The following NID1 variants were observed in gnomAD, a reference collection of about 807,000 sequenced individuals.
The protein encoded by NID1 is nidogen 1.
Under a neutral mutation model 130.6 loss-of-function variants are expected in NID1, and 76 were observed. The observed-to-expected ratio is 0.58, with a 90% CI of 0.48 to 0.70. The LOEUF (loss-of-function observed/expected upper bound fraction) is 0.70. Ranked by LOEUF, NID1 falls within the 30% of genes least tolerant of loss-of-function variation. The pLI is 0.00. For synonymous variants in NID1, 665 were observed against 675.1 expected (o/e 0.98, Z 0.23); for missense variants, 1,517 against 1,664.8 (o/e 0.91, Z 1.54).
At chr1:236,004,480 A>T (rs1337359116) in intron 12 of NID1, among the ~76,000 whole-genome samples, 1 of 152,178 alleles carries the variant, frequency 6.6e-6, no homozygotes, top group Admixed American at 6.5e-5. Context: ...GTTAAAGACT[A>T]AGCCAGGCGC....
chr1:236,014,119 TG>T (rs1195967435), intron 10 of NID1, among the ~76,000 whole-genome samples: 5 of 152,188 alleles, frequency 3.3e-5, no homozygotes, highest in African/African-American at 1.2e-4. Context: ...GTTGGAAGAC[TG>T]TGAGCCTTTG....
At chr1:236,064,635 G>A (rs2102856914) in intron 1 of NID1, 2 of 586,998 alleles carry the variant, frequency 3.4e-6, no homozygotes, top group South Asian at 1.7e-5. Flanking sequence ...GGCGCGCGGA[G>A]CCACCCAGAC....
rs566613891 is a variant in NID1, at chr1:236,000,312, C to T, written c.2528-6440G>A. 1.2e-3 allele frequency among the ~76,000 whole-genome samples: 186 copies of T among 152,292 alleles called. 1 individual carries two copies. The highest frequency in any genetic ancestry group is 4.3e-3 in the African/African-American group (180 of 41,558). On this transcript the variant is annotated intron_variant, in intron 12 of 19. Coordinates refer to ENST00000264187, the MANE Select transcript of NID1 (RefSeq NM_002508.3). The stretch of plus-strand genomic sequence containing the variant: ...ATCTACAATCTGTTCTCTCTGAAGC[C>T]GCCTACCTGGAGGCTTCATCTGCAT...
intron 1 of NID1, among the ~76,000 whole-genome samples, chr1:236,059,390 A>G (rs774438329): frequency 1.3e-5 from 2 of 152,232 alleles, no homozygotes; most frequent in Non-Finnish European, 2.9e-5. Context: ...ATTTCAGCCT[A>G]GAGCCCACAA....
At chr1:236,046,530 G>C (rs1216139805) in intron 2 of NID1, among the ~76,000 whole-genome samples, 1 of 152,008 alleles carries the variant, frequency 6.6e-6, no homozygotes, top group African/African-American at 2.4e-5. Context: ...ACAAGCAGGA[G>C]GAAGCTGCCA....
chr1:236,026,523 G>A (rs1372610129), intron 7 of NID1, among the ~76,000 whole-genome samples: 3 of 152,098 alleles, frequency 2.0e-5, no homozygotes, highest in African/African-American at 7.2e-5. Flanking sequence ...GTGGCCACTG[G>A]CTGATGACTC....
chr1:236,049,957 A>G (rs1659715603), intron 1 of NID1, among the ~76,000 whole-genome samples: 1 of 151,294 alleles, frequency 6.6e-6, no homozygotes, highest in Non-Finnish European at 1.5e-5. Context: ...AATCACTTGA[A>G]CCCAGGAAGC....
intron 1 of NID1, among the ~76,000 whole-genome samples, chr1:236,062,118 GTATACCTC>G (rs1469981715): frequency 6.6e-6 from 1 of 152,168 alleles, no homozygotes; most frequent in Non-Finnish European, 1.5e-5. Flanking sequence ...ACATTTGCAT[GTATACCTC>G]TTCTCGAAAT....
chr1:236,038,686 T>C, intron 4 of NID1, among the ~76,000 whole-genome samples: 1 of 132,660 alleles, frequency 7.5e-6, no homozygotes, highest in Middle Eastern at 3.5e-3. Context: ...ACCTATGTTA[T>C]ATAGGTCATA....
intron 12 of NID1, among the ~76,000 whole-genome samples, chr1:236,002,653 A>G (rs1381651373): frequency 6.6e-6 from 1 of 152,188 alleles, no homozygotes; most frequent in African/African-American, 2.4e-5. Context: ...ATAGGAAGTC[A>G]AGAAATTCCA....
intron 5 of NID1, among the ~76,000 whole-genome samples, chr1:236,034,422 C>CAAAAAAAAAAAAAAAA (rs144657585): frequency 2.2e-5 from 2 of 92,624 alleles, no homozygotes; most frequent in African/African-American, 7.7e-5. Flanking sequence ...AACTCCATCT[C>CAAAAAAAAAAAAAAAA]AAAAAAAAAA....
chr1:235,979,954 A>G lies in NID1; in HGVS notation c.3386-9T>C. ...TTCCGCCCGATTGGTGCCTGTGTGGAGTGGAAACAATTCATTCATTGTTCA... is the reference window on the plus strand; with the variant it reads ...TTCCGCCCGATTGGTGCCTGTGTGGGGTGGAAACAATTCATTCATTGTTCA... On this transcript the variant is annotated splice_polypyrimidine_tract_variant and intron_variant, in intron 17 of 19. Coordinates refer to ENST00000264187, the MANE Select transcript of NID1 (RefSeq NM_002508.3). This position sits in a 1 kb window ranked among gnomAD's most constrained non-coding sequence, Gnocchi z 4.6. The G allele has an allele frequency of 1.2e-6, 2 of 1,613,742 alleles. No individual in the cohort carries two copies. The highest frequency in any genetic ancestry group is 1.7e-6 in the Non-Finnish European group (2 of 1,179,756).
At chr1:236,005,439 T>A (rs1389493742) in intron 12 of NID1, among the ~76,000 whole-genome samples, 1 of 152,176 alleles carries the variant, frequency 6.6e-6, no homozygotes, top group Non-Finnish European at 1.5e-5. Flanking sequence ...TTGAACCAAC[T>A]GTCTGTTTTT....
At chr1:236,064,620 C>G (rs1015775073) in intron 1 of NID1, 2 of 542,060 alleles carry the variant, frequency 3.7e-6, no homozygotes, top group Non-Finnish European at 6.7e-6. Context: ...GGGGTCACGG[C>G]CCGGGGCGCG....
At chr1:235,988,266 C>T (rs562234775) in intron 14 of NID1, among the ~76,000 whole-genome samples, 8 of 152,250 alleles carry the variant, frequency 5.3e-5, no homozygotes, top group South Asian at 2.1e-4. Flanking sequence ...GATATACAAG[C>T]GGCCAATAAG....
chr1:236,026,194 G>T, intron 7 of NID1, 53 bp from the exon 8 acceptor site: 1 of 1,598,872 alleles, frequency 6.3e-7, no homozygotes, highest in Non-Finnish European at 8.5e-7. Context: ...AGGGAAGATG[G>T]TTAAGGATGC....
chr1:236,064,411 T>TC (rs1004183589), intron 1 of NID1: 12 of 189,788 alleles, frequency 6.3e-5, no homozygotes, highest in African/African-American at 2.9e-4. Context: ...GCCACAAGAG[T>TC]CCCGGGGCCC....
chr1:236,027,225 G>A (rs149512484), intron 7 of NID1, among the ~76,000 whole-genome samples: 45 of 152,132 alleles, frequency 3.0e-4, no homozygotes, highest in African/African-American at 1.0e-3. Flanking sequence ...TGGCCCATAC[G>A]ACAAAACCCT....
intron 6 of NID1, among the ~76,000 whole-genome samples, chr1:236,030,625 G>A (rs540104350): frequency 3.9e-5 from 6 of 152,282 alleles, no homozygotes; most frequent in South Asian, 4.1e-4. Context: ...GAGTTGAGCC[G>A]TCGCAACAGA....
Sources: allele counts gnomAD v4.1 joint callset (sites outside exome capture counted in the v4.1 genomes callset), GRCh38; gene constraint gnomAD v4.1.1; non-coding constraint Gnocchi (gnomAD v3.1); transcripts MANE v1.5; gene names NCBI Gene and HGNC (gene_info 2026-07-23, HGNC 2026-07-21).